The following FBRSL1 variants were observed in gnomAD, a reference collection of about 807,000 sequenced individuals.
FBRSL1 encodes fibrosin like 1.
Under a neutral mutation model 89.6 loss-of-function variants are expected in FBRSL1, and 51 were observed. The ratio of observed to expected loss-of-function variants is 0.57; its 90% CI spans 0.45 to 0.72. The LOEUF (loss-of-function observed/expected upper bound fraction) is 0.72, where lower values mean the gene tolerates loss of function less well. Among genes scored for constraint, FBRSL1 ranks in the 30% least tolerant of loss-of-function variants. The pLI, the probability that FBRSL1 is intolerant of heterozygous loss-of-function variation, is 0.00. For synonymous variants in FBRSL1, 779 were observed against 681.1 expected (o/e 1.14, Z -2.24); for missense variants, 1,618 against 1,451.8 (o/e 1.11, Z -1.86).
chr12:132,531,919 G>A (rs543143632), intron 4 of FBRSL1, among the ~76,000 whole-genome samples: 1 of 152,360 alleles, frequency 6.6e-6, no homozygotes, highest in East Asian at 1.9e-4. Flanking sequence ...TCAGCAGCTT[G>A]TGCCCCAAGT....
rs1319036762 is a variant in FBRSL1 at position 132,583,170 on chromosome 12, TC to T, written c.2405del (p.Pro802ArgfsTer11). 6.9e-7 allele frequency: 1 copy of T among 1,456,376 alleles called. No individual in the cohort carries two copies. Among genetic ancestry groups the T allele is most frequent in the East Asian group, 3.1e-5 (1 of 32,058 alleles). The allele number at this position is 1,456,376 out of a possible 1,614,324, so 90.2% of individuals were successfully genotyped here. On this transcript the variant is annotated frameshift_variant, in exon 19 of 19. Transcript: ENST00000680143. LOFTEE classifies it high-confidence loss of function. ...EEAAKMPARA[S>X]PPHSKAAPGD... ...GGCCGCCAAGATGCCCGCGCGCGCA[TC>T]CCCGCCCCACAGCAAGGCGGCCCCT...
intron 2 of FBRSL1, among the ~76,000 whole-genome samples, chr12:132,522,330 C>T (rs982665567): frequency 4.8e-5 from 7 of 147,326 alleles, no homozygotes; most frequent in Non-Finnish European, 7.5e-5. Context: ...GATTTTTGGA[C>T]GTGCAGCCTG....
At chr12:132,500,280 G>A (rs1431167527) in intron 1 of FBRSL1, among the ~76,000 whole-genome samples, 3 of 152,186 alleles carry the variant, frequency 2.0e-5, no homozygotes, top group African/African-American at 7.2e-5. Flanking sequence ...AGCCGAGTGT[G>A]TCCCAGGCTT....
chr12:132,491,644 C>T (rs891447118), intron 1 of FBRSL1, among the ~76,000 whole-genome samples: 1 of 152,262 alleles, frequency 6.6e-6, no homozygotes, highest in Non-Finnish European at 1.5e-5. Flanking sequence ...ATTTCCAACC[C>T]CTCTCACTTT....
intron 2 of FBRSL1, chr12:132,510,045 C>G (rs2034154243): frequency 1.6e-6 from 2 of 1,231,396 alleles, no homozygotes; most frequent in African/African-American, 1.6e-5. Flanking sequence ...GCCCGGCCCA[C>G]TCACGCCTTC....
intron 3 of FBRSL1, among the ~76,000 whole-genome samples, chr12:132,527,733 A>C (rs1401025210): frequency 9.4e-6 from 1 of 106,332 alleles, no homozygotes; most frequent in Non-Finnish European, 2.0e-5. Flanking sequence ...GCTGCGGGGC[A>C]GGGTTGAGGG....
At chr12:132,513,446 G>A (rs1172688425) in intron 2 of FBRSL1, among the ~76,000 whole-genome samples, 1 of 152,072 alleles carries the variant, frequency 6.6e-6, no homozygotes, top group East Asian at 1.9e-4. Flanking sequence ...GGGATCTGGG[G>A]GAGGCTGCCC....
At chr12:132,502,645 G>T (rs2136457415) in intron 1 of FBRSL1, among the ~76,000 whole-genome samples, 1 of 152,108 alleles carries the variant, frequency 6.6e-6, no homozygotes, top group Admixed American at 6.5e-5. Context: ...TAAAACCAGG[G>T]CCAAGCAGTA....
chr12:132,537,598 A>G (rs2036868458), intron 4 of FBRSL1, among the ~76,000 whole-genome samples: 1 of 152,178 alleles, frequency 6.6e-6, no homozygotes, highest in South Asian at 2.1e-4. Flanking sequence ...AATTCTGCAC[A>G]TGTCTGATGG....
At chr12:132,566,912 C>T (rs1478002928) in intron 5 of FBRSL1, among the ~76,000 whole-genome samples, 1 of 152,242 alleles carries the variant, frequency 6.6e-6, no homozygotes, top group Non-Finnish European at 1.5e-5. Flanking sequence ...CGCTGGGCAC[C>T]AGGCCTGGAG....
intron 5 of FBRSL1, among the ~76,000 whole-genome samples, chr12:132,548,272 G>C (rs552310228): frequency 6.6e-6 from 1 of 152,286 alleles, no homozygotes; most frequent in South Asian, 2.1e-4. Context: ...ACAGGCCCAG[G>C]TGGGCATCAG....
intron 18 of FBRSL1, among the ~76,000 whole-genome samples, 172 bp downstream of exon 18, chr12:132,582,438 C>T (rs912187410): frequency 6.7e-6 from 1 of 148,442 alleles, no homozygotes; most frequent in African/African-American, 2.5e-5. Flanking sequence ...CATTCCCTCT[C>T]ACCCTCCTCG....
chr12:132,535,844 G>A (rs1234348062), intron 4 of FBRSL1, among the ~76,000 whole-genome samples: 1 of 149,794 alleles, frequency 6.7e-6, no homozygotes, highest in African/African-American at 2.5e-5. Flanking sequence ...CGTGTCCATG[G>A]TGTGTGAGTG....
At chr12:132,578,352 C>CACACACACACACACACACACAT (rs1160698784) in intron 15 of FBRSL1, among the ~76,000 whole-genome samples, 12 of 151,750 alleles carry the variant, frequency 7.9e-5, no homozygotes, top group Non-Finnish European at 1.5e-4. Flanking sequence ...CTCACACACA[C>CACACACACACACACACACACAT]ACACACACAC....
intron 2 of FBRSL1, among the ~76,000 whole-genome samples, chr12:132,524,842 CAAGTAAAAA>C (rs1415082926): frequency 2.0e-5 from 3 of 152,170 alleles, no homozygotes; most frequent in African/African-American, 7.2e-5. Context: ...AAATTATTTC[CAAGTAAAAA>C]AAGTAAATAC....
chr12:132,571,635 G>A, intron 9 of FBRSL1: 1 of 777,746 alleles, frequency 1.3e-6, no homozygotes, highest in Non-Finnish European at 1.8e-6. Context: ...AGGAGGTGGG[G>A]GGCCGGCGGC....
chr12:132,496,162 CG>C (rs2031993357), intron 1 of FBRSL1, among the ~76,000 whole-genome samples: 1 of 152,368 alleles, frequency 6.6e-6, no homozygotes, highest in South Asian at 2.1e-4. Context: ...AGGGGTCTCC[CG>C]GGGTCCCTGT....
At position 132,583,829 on chromosome 12, in the gene FBRSL1, T is replaced by G. The variant is rs1300214739; in HGVS notation, c.*51T>G. The G allele has an allele frequency of 1.9e-6, 2 of 1,063,742 alleles. No individual in the cohort carries two copies. Among genetic ancestry groups the G allele is most frequent in the Non-Finnish European group, 2.3e-6 (2 of 851,534 alleles). 65.9% of individuals were successfully genotyped at this position (1,063,742 alleles called of 1,614,324 possible). On this transcript the variant is annotated 3_prime_UTR_variant, in exon 19 of 19. Transcript: ENST00000680143. ...AGCGGAGCGCACCGCTGTCCGTCTC[T>G]CCATCAGTTCCTAGAACTCAAGCAC... is the stretch of plus-strand genomic sequence containing the variant.
At position 132,499,179 on chromosome 12, in the gene FBRSL1, T is replaced by C. The variant is rs1030188796; in HGVS notation, c.291+8318T>C. Among the ~76,000 whole-genome samples the C allele has an allele frequency of 6.6e-6, 1 of 152,194 alleles. No homozygotes were observed. The highest frequency in any genetic ancestry group is 1.5e-5 in the Non-Finnish European group (1 of 68,022). On this transcript the variant is annotated intron_variant, in intron 1 of 18. Transcript: ENST00000680143. The surrounding 1 kb of genome is among the most constrained non-coding windows in gnomAD (Gnocchi z 4.3). ...CTCTGCTCTGCCCAGGTCTTGATGC[T>C]GCACAGTGGAGCCTCCAGGGCCGGC...
Sources: allele counts gnomAD v4.1 joint callset (sites outside exome capture counted in the v4.1 genomes callset), GRCh38; gene constraint gnomAD v4.1.1; non-coding constraint Gnocchi (gnomAD v3.1); transcripts MANE v1.5; gene names NCBI Gene and HGNC (gene_info 2026-07-23, HGNC 2026-07-21).